Variants in SLC44A5 observed in about 807,000 individuals in gnomAD.
The protein encoded by SLC44A5 is solute carrier family 44 member 5.
In SLC44A5, 57 loss-of-function variants were observed where a neutral mutation model predicts 101.8. The ratio of observed to expected loss-of-function variants is 0.56; its 90% confidence interval spans 0.45 to 0.70. SLC44A5 has a LOEUF of 0.70. Ranked by LOEUF, SLC44A5 falls within the 30% of genes least tolerant of loss-of-function variation. The pLI is 0.00. For synonymous variants in SLC44A5, 281 were observed against 290.9 expected, an observed-to-expected ratio of 0.97 and a Z score of 0.35; for missense variants, 737 against 853.1, an observed-to-expected ratio of 0.86 and a Z score of 1.70.
chr1:75,371,935 G>A (rs1012138983), intron 3 of SLC44A5, among the ~76,000 whole-genome samples: 2 of 152,278 alleles, frequency 1.3e-5, no homozygotes, highest in Admixed American at 6.5e-5. Context: ...AGTGGCTCAA[G>A]CCCGTAATCC....
the SLC44A5 span, among the ~76,000 whole-genome samples, chr1:75,721,667 A>C: frequency 2.6e-5 from 4 of 152,230 alleles, no homozygotes; most frequent in Non-Finnish European, 5.9e-5. Flanking sequence ...GTAACTTGCA[A>C]CTGATAGGAA....
upstream of SLC44A5, chr1:75,615,795 G>A (rs1456704749): frequency 1.1e-6 from 1 of 922,928 alleles, no homozygotes; most frequent in Non-Finnish European, 1.3e-6. Flanking sequence ...GCCGGCCCGA[G>A]GGGCAGAGGG....
At chr1:75,319,506 T>C (rs1346397351) in intron 4 of SLC44A5, among the ~76,000 whole-genome samples, 2 of 152,224 alleles carry the variant, frequency 1.3e-5, no homozygotes, top group African/African-American at 2.4e-5. Flanking sequence ...ATTATAGATA[T>C]ATTTATATCA....
intron 4 of SLC44A5, among the ~76,000 whole-genome samples, chr1:75,322,011 T>A (rs933118206): frequency 6.6e-6 from 1 of 152,170 alleles, no homozygotes; most frequent in Non-Finnish European, 1.5e-5. Flanking sequence ...TAAAAATTGA[T>A]CTTTAAAAGG....
At chr1:75,215,599 A>T (rs1157253709) in intron 19 of SLC44A5, among the ~76,000 whole-genome samples, 155 bp downstream of exon 19, 1 of 152,148 alleles carries the variant, frequency 6.6e-6, no homozygotes, top group Non-Finnish European at 1.5e-5. Context: ...CTAGGGAAGC[A>T]TATCCCTGAA....
chr1:75,469,473 AG>A (rs1338201803), intron 2 of SLC44A5, among the ~76,000 whole-genome samples: 3 of 151,632 alleles, frequency 2.0e-5, no homozygotes, highest in Admixed American at 6.6e-5. Flanking sequence ...GAAAAAAAAA[AG>A]TGTAGTGAAT....
chr1:75,360,941 C>T (rs1167242234), intron 3 of SLC44A5, among the ~76,000 whole-genome samples: 1 of 152,164 alleles, frequency 6.6e-6, no homozygotes. Flanking sequence ...ATTCCATGAA[C>T]ACAAGATATC....
intron 1 of SLC44A5, among the ~76,000 whole-genome samples, chr1:75,603,083 A>G (rs979735478): frequency 3.3e-5 from 5 of 152,150 alleles, no homozygotes; most frequent in Admixed American, 1.3e-4. Context: ...CCTGTCACCT[A>G]GGTACTGAGC....
intron 1 of SLC44A5, among the ~76,000 whole-genome samples, chr1:75,556,568 G>T (rs1192406979): frequency 6.6e-6 from 1 of 151,970 alleles, no homozygotes; most frequent in Non-Finnish European, 1.5e-5. Context: ...CTATGAAGTA[G>T]GTACTATTAA....
At chr1:75,562,488 A>G (rs1037023336) in intron 1 of SLC44A5, among the ~76,000 whole-genome samples, 9 of 152,106 alleles carry the variant, frequency 5.9e-5, no homozygotes, top group Non-Finnish European at 1.3e-4. Flanking sequence ...GTTTGAGCCC[A>G]GGAGTTCAAG....
chr1:75,204,970 T>C (rs187059761), intron 23 of SLC44A5: 2 of 152,332 alleles, frequency 1.3e-5, no homozygotes, highest in Non-Finnish European at 2.9e-5. Flanking sequence ...CTTTGTCTTG[T>C]TGAATAATAA....
At chr1:75,311,306 G>T (rs573016609) in intron 4 of SLC44A5, among the ~76,000 whole-genome samples, 64 of 152,114 alleles carry the variant, frequency 4.2e-4, no homozygotes, top group Non-Finnish European at 8.7e-4. Flanking sequence ...TAGTAGAGAC[G>T]GGGTTTCACC....
chr1:75,569,590 G>A (rs1399851774), intron 1 of SLC44A5, among the ~76,000 whole-genome samples: 1 of 152,036 alleles, frequency 6.6e-6, no homozygotes, highest in Non-Finnish European at 1.5e-5. Flanking sequence ...TGAATTATCT[G>A]TTCAGTAGAA....
At chr1:75,269,309 G>A (rs993399164) in intron 6 of SLC44A5, among the ~76,000 whole-genome samples, 8 of 151,906 alleles carry the variant, frequency 5.3e-5, no homozygotes, top group South Asian at 2.1e-4. Flanking sequence ...TATAAAAAAG[G>A]TGTTGATACA....
intron 6 of SLC44A5, among the ~76,000 whole-genome samples, chr1:75,254,482 G>A (rs1649849355): frequency 6.6e-6 from 1 of 152,112 alleles, no homozygotes; most frequent in South Asian, 2.1e-4. Context: ...CAAACTACTA[G>A]TTCCAGGTGA....
At chr1:75,616,327 T>C in the SLC44A5 span, among the ~76,000 whole-genome samples, 2 of 150,420 alleles carry the variant, frequency 1.3e-5, no homozygotes, top group South Asian at 2.1e-4. Flanking sequence ...CAGCCTCTAC[T>C]GGAAAGACAA....
chr1:75,711,015 C>T, the SLC44A5 span, among the ~76,000 whole-genome samples: 1 of 152,200 alleles, frequency 6.6e-6, no homozygotes, highest in Non-Finnish European at 1.5e-5. Flanking sequence ...CTTTAGCTTG[C>T]ACATGACAAT....
At chr1:75,246,866 A>C (rs889741613) in intron 7 of SLC44A5, among the ~76,000 whole-genome samples, 7 of 152,066 alleles carry the variant, frequency 4.6e-5, no homozygotes, top group Admixed American at 1.3e-4. Flanking sequence ...GTATTAGTAC[A>C]ACAAATGGCC....
the SLC44A5 span, among the ~76,000 whole-genome samples, chr1:75,679,255 C>A: frequency 6.6e-6 from 1 of 152,118 alleles, no homozygotes; most frequent in African/African-American, 2.4e-5. Flanking sequence ...TCAGAAAACA[C>A]AGAGAACGCC....
Sources: gnomAD v4.1 joint callset for allele counts (sites outside exome capture counted in the v4.1 genomes callset) on GRCh38, gnomAD v4.1.1 for gene constraint, MANE v1.5 for transcripts, NCBI Gene and HGNC (gene_info 2026-07-23, HGNC 2026-07-21) for gene names.